PDE3A: variants seen among roughly 807,000 people sequenced by gnomAD.
PDE3A encodes phosphodiesterase 3A.
In PDE3A, 43 loss-of-function variants were observed where a neutral mutation model predicts 98.3. That is an observed-to-expected ratio of 0.44 (90% CI 0.34 to 0.56). The LOEUF (loss-of-function observed/expected upper bound fraction) is 0.56, where lower values mean the gene tolerates loss of function less well. Ranked by LOEUF, PDE3A falls within the 20% of genes least tolerant of loss-of-function variation. PDE3A has a pLI of 0.01. For missense variants in PDE3A, 1,427 were observed against 1,440.7 expected (o/e 0.99, Z 0.15); for synonymous variants, 663 against 567.9 (o/e 1.17, Z -2.38).
chr12:20,687,312 A>T lies in PDE3A; in HGVS notation c.*7041A>T, dbSNP rs1205462976. Among the ~76,000 whole-genome samples, 1 of 152,094 alleles carries T rather than the reference A, an allele frequency of 6.6e-6. No homozygotes were observed. The highest frequency in any genetic ancestry group is 1.5e-5 in the Non-Finnish European group (1 of 67,964). ...AGCGATGATTTCATTTTAACTATTT[A>T]TAAGGATAATTTAGTATTATAGTAT... is the stretch of plus-strand genomic sequence containing the variant. On this transcript the variant is annotated 3_prime_UTR_variant, in exon 16 of 16. Transcript: ENST00000359062.
intron 5 of PDE3A, among the ~76,000 whole-genome samples, chr12:20,626,824 A>C (rs1944273922): frequency 6.6e-6 from 1 of 152,128 alleles, no homozygotes; most frequent in Non-Finnish European, 1.5e-5. Flanking sequence ...AGTGTTCAAA[A>C]TATGTAGACA....
At chr12:20,523,308 G>A (rs1946463168) in intron 1 of PDE3A, among the ~76,000 whole-genome samples, 1 of 152,092 alleles carries the variant, frequency 6.6e-6, no homozygotes, top group South Asian at 2.1e-4. Context: ...CCCAGCTTAT[G>A]GGATCCAGAC....
chr12:20,552,336 G>C lies in PDE3A; in HGVS notation c.961-4324G>C. ...TTGTGAAATACTGGCCCGAGAAGGG[G>C]AAGTCCGGGTTTCTCGTGTGGCGCT... On this transcript the variant is annotated intron_variant, in intron 1 of 15. Transcript: ENST00000359062. The surrounding 1 kb of genome is among the most constrained non-coding windows in gnomAD (Gnocchi z 5.1). The C allele has an allele frequency of 6.2e-7, 1 of 1,613,958 alleles. No homozygotes were observed. Among genetic ancestry groups the C allele is most frequent in the Admixed American group, 1.7e-5 (1 of 60,026 alleles).
chr12:20,589,906 A>G (rs1943294234), intron 2 of PDE3A, among the ~76,000 whole-genome samples: 1 of 151,462 alleles, frequency 6.6e-6, no homozygotes, highest in African/African-American at 2.4e-5. Flanking sequence ...AAATTAGTTC[A>G]CATTAGTTCA....
chr12:20,468,425 G>A (rs531989322), intron 1 of PDE3A, among the ~76,000 whole-genome samples: 2 of 152,134 alleles, frequency 1.3e-5, no homozygotes, highest in Admixed American at 6.5e-5. Flanking sequence ...CAATAATGAG[G>A]GATCTATAAG....
intron 15 of PDE3A, among the ~76,000 whole-genome samples, chr12:20,663,485 G>T (rs762160709): frequency 2.6e-5 from 4 of 152,250 alleles, no homozygotes; most frequent in Non-Finnish European, 5.9e-5. Context: ...CAGGGGCAAA[G>T]CTGCCCAAGG....
chr12:20,370,395 T>C (rs1446988278), intron 1 of PDE3A, 151 bp downstream of exon 1: 3 of 464,712 alleles, frequency 6.5e-6, no homozygotes, highest in Non-Finnish European at 1.1e-5. Flanking sequence ...GCAGGTTTTT[T>C]TTTTGTTTTT....
intron 2 of PDE3A, among the ~76,000 whole-genome samples, chr12:20,607,958 ATAT>A (rs1363776334): frequency 6.6e-6 from 1 of 152,098 alleles, no homozygotes; most frequent in African/African-American, 2.4e-5. Context: ...ATATTTAATT[ATAT>A]TATTTTTTTC....
intron 2 of PDE3A, among the ~76,000 whole-genome samples, chr12:20,608,999 G>A (rs1012841586): frequency 2.0e-5 from 3 of 152,000 alleles, no homozygotes; most frequent in Non-Finnish European, 1.5e-5. Flanking sequence ...TACTATTTCA[G>A]AGGATCACAC....
At position 20,680,543 on chromosome 12, in the gene PDE3A, T is replaced by C. The variant is rs948711343; in HGVS notation, c.*272T>C. 9 of 349,102 alleles carry C rather than the reference T, an allele frequency of 2.6e-5. No homozygotes were observed. Among genetic ancestry groups the C allele is most frequent in the African/African-American group, 1.5e-4 (7 of 48,104 alleles). The allele number at this position is 349,102 out of a possible 1,614,324, so 21.6% of individuals were successfully genotyped here. Reference sequence around the variant, plus strand: ...GTGTGTGTGTATATAAGCTCCCACATAGATACATGTAAAACATATTCACAC... The same window carrying C: ...GTGTGTGTGTATATAAGCTCCCACACAGATACATGTAAAACATATTCACAC... On this transcript the variant is annotated 3_prime_UTR_variant, in exon 16 of 16. Transcript: ENST00000359062.
At chr12:20,385,330 C>G (rs1371626322) in intron 1 of PDE3A, among the ~76,000 whole-genome samples, 1 of 152,038 alleles carries the variant, frequency 6.6e-6, no homozygotes, top group African/African-American at 2.4e-5. Context: ...AACACTTTTA[C>G]ACTGTTGGTG....
At chr12:20,589,869 A>T (rs1236716093) in intron 2 of PDE3A, among the ~76,000 whole-genome samples, 1 of 25,370 alleles carries the variant, frequency 3.9e-5, no homozygotes, top group African/African-American at 1.5e-4. Context: ...ACTGCATCTT[A>T]AAAAAAAAAA....
chr12:20,528,084 A>G (rs117934617), intron 1 of PDE3A, among the ~76,000 whole-genome samples: 1 of 152,338 alleles, frequency 6.6e-6, no homozygotes, highest in East Asian at 1.9e-4. Flanking sequence ...TAAAGGGTAC[A>G]TAGGCTTTGT....
intron 13 of PDE3A, 58 bp from the exon 14 acceptor site, chr12:20,650,387 C>T (rs559444850): frequency 1.8e-6 from 2 of 1,103,594 alleles, no homozygotes; most frequent in Admixed American, 2.1e-5. Context: ...TTTTTCTCTT[C>T]TATTCAACTT....
chr12:20,619,541 G>A (rs1944085590), intron 4 of PDE3A, among the ~76,000 whole-genome samples: 1 of 151,978 alleles, frequency 6.6e-6, no homozygotes, highest in African/African-American at 2.4e-5. Context: ...TAATCAGTTA[G>A]TCAATCCAGC....
intron 1 of PDE3A, among the ~76,000 whole-genome samples, chr12:20,382,469 G>A (rs910017277): frequency 2.0e-5 from 3 of 151,834 alleles, no homozygotes; most frequent in Non-Finnish European, 2.9e-5. Flanking sequence ...CTTCATTGAT[G>A]ATACCTCAAA....
At chr12:20,418,235 T>C (rs946351912) in intron 1 of PDE3A, among the ~76,000 whole-genome samples, 2 of 152,308 alleles carry the variant, frequency 1.3e-5, no homozygotes, top group East Asian at 1.9e-4. Flanking sequence ...ATATCAGTAA[T>C]ATCAATCCTA....
At chr12:20,524,781 T>A (rs949166410) in intron 1 of PDE3A, among the ~76,000 whole-genome samples, 3 of 152,086 alleles carry the variant, frequency 2.0e-5, no homozygotes, top group Admixed American at 6.6e-5. Context: ...GTCCCTAATC[T>A]GTCTCACCCC....
chr12:20,588,066 T>C (rs1409424127), intron 2 of PDE3A, among the ~76,000 whole-genome samples: 3 of 152,126 alleles, frequency 2.0e-5, no homozygotes, highest in Non-Finnish European at 4.4e-5. Flanking sequence ...CATAACTAAA[T>C]GTTGGAGCTT....
Sources: gnomAD v4.1 joint callset for allele counts (sites outside exome capture counted in the v4.1 genomes callset) on GRCh38, gnomAD v4.1.1 for gene constraint, Gnocchi (gnomAD v3.1) non-coding constraint, MANE v1.5 for transcripts, NCBI Gene and HGNC (gene_info 2026-07-23, HGNC 2026-07-21) for gene names.